DACH1: variants seen among roughly 807,000 people sequenced by gnomAD.
The protein encoded by DACH1 is dachshund family transcription factor 1, also known as dachshund homolog 1.
DACH1 carries 12 observed loss-of-function variants against 54.2 expected under a neutral mutation model. That is an observed-to-expected ratio of 0.22 (90% CI 0.14 to 0.36). DACH1 has a LOEUF of 0.36. Among genes scored for constraint, DACH1 ranks in the 10% least tolerant of loss-of-function variants. The probability of loss-of-function intolerance (pLI) is 1.00; values close to 1 mark genes in which losing one functional copy is unlikely to be tolerated. For synonymous variants in DACH1, 386 were observed against 366.2 expected (o/e 1.05, Z -0.62); for missense variants, 805 against 929.8 (o/e 0.87, Z 1.75).
intron 1 of DACH1, among the ~76,000 whole-genome samples, chr13:71,827,303 G>T (rs1320957895): frequency 2.6e-5 from 4 of 151,998 alleles, no homozygotes; most frequent in African/African-American, 4.8e-5. Context: ...TTACAACTCC[G>T]TGAACTAGAT....
intron 1 of DACH1, among the ~76,000 whole-genome samples, chr13:71,694,793 G>A (rs903039249): frequency 6.6e-6 from 1 of 152,076 alleles, no homozygotes; most frequent in Non-Finnish European, 1.5e-5. Context: ...AAAACATAGT[G>A]CCTTAAAAGC....
intron 1 of DACH1, among the ~76,000 whole-genome samples, chr13:71,800,642 T>G (rs1471714025): frequency 6.6e-6 from 1 of 152,096 alleles, no homozygotes; most frequent in Admixed American, 6.6e-5. Flanking sequence ...TACACTTGAT[T>G]ACTTAACCAG....
chr13:71,460,818 C>T (rs138636699), intron 10 of DACH1, among the ~76,000 whole-genome samples: 1 of 152,058 alleles, frequency 6.6e-6, no homozygotes. Flanking sequence ...TGCTGGTAAC[C>T]CTTGGAAAGT....
At chr13:71,614,263 T>A (rs1875578491) in intron 3 of DACH1, among the ~76,000 whole-genome samples, 1 of 152,168 alleles carries the variant, frequency 6.6e-6, no homozygotes. Context: ...AGAATTCCAT[T>A]GGTTTTGTCT....
At chr13:71,749,053 C>T (rs967163064) in intron 1 of DACH1, among the ~76,000 whole-genome samples, 5 of 151,462 alleles carry the variant, frequency 3.3e-5, no homozygotes, top group African/African-American at 1.2e-4. Context: ...GGCATGATCT[C>T]AGCTCACTGC....
rs534829288 is a variant in DACH1, at chr13:71,813,877, G to A, written c.848+52045C>T. Among the ~76,000 whole-genome samples, 45 of 152,284 alleles carry A rather than the reference G, an allele frequency of 3.0e-4. 1 individual carries two copies. Among genetic ancestry groups the A allele is most frequent in the African/African-American group, 1.1e-3 (44 of 41,558 alleles). ...GATCAAGAGACCCAAAGCCTAAAGA[G>A]ATGAAGATATCTATCCAATGTGAAA... is the stretch of plus-strand genomic sequence containing the variant. On this transcript the variant is annotated intron_variant, in intron 1 of 10. Coordinates refer to ENST00000613252, the MANE Select transcript of DACH1 (RefSeq NM_080759.6).
chr13:71,630,730 A>C lies in DACH1; in HGVS notation c.965-13T>G, dbSNP rs1202615222. On this transcript the variant is annotated splice_polypyrimidine_tract_variant and intron_variant, in intron 2 of 10. Coordinates refer to ENST00000613252, the MANE Select transcript of DACH1 (RefSeq NM_080759.6). The stretch of plus-strand genomic sequence containing the variant: ...GCTGCTGTCAGACCTTAAAAGAATA[A>C]ATTAAAAATGAGGTAATTCAAATTC... The C allele has an allele frequency of 6.5e-7, 1 of 1,549,378 alleles. No homozygotes were observed. Among genetic ancestry groups the C allele is most frequent in the South Asian group, 1.2e-5 (1 of 81,742 alleles).
chr13:71,709,105 G>A (rs897170265), intron 1 of DACH1, among the ~76,000 whole-genome samples: 10 of 151,654 alleles, frequency 6.6e-5, no homozygotes, highest in East Asian at 1.9e-4. Context: ...CTCCTGCCTC[G>A]GCCTCCCAAA....
intron 10 of DACH1, among the ~76,000 whole-genome samples, chr13:71,462,212 T>C (rs999616103): frequency 6.6e-6 from 1 of 151,882 alleles, no homozygotes; most frequent in Non-Finnish European, 1.5e-5. Context: ...CTCCACACTA[T>C]ATGAAAATAC....
At chr13:71,666,126 G>A (rs1472182572) in intron 2 of DACH1, among the ~76,000 whole-genome samples, 16 of 152,052 alleles carry the variant, frequency 1.1e-4, no homozygotes. Context: ...AATAGAAGAT[G>A]CAGTGGTAAA....
intron 1 of DACH1, among the ~76,000 whole-genome samples, chr13:71,864,449 T>C (rs1874579074): frequency 6.6e-6 from 1 of 152,166 alleles, no homozygotes; most frequent in African/African-American, 2.4e-5. Context: ...TCTGGTCTCC[T>C]TGCTACACTT....
chr13:71,836,961 A>G (rs1888812616), intron 1 of DACH1, among the ~76,000 whole-genome samples: 1 of 152,016 alleles, frequency 6.6e-6, no homozygotes, highest in South Asian at 2.1e-4. Flanking sequence ...TGCATAACAA[A>G]TATGCATTGA....
chr13:71,752,488 T>TTCTC (rs112518177), intron 1 of DACH1, among the ~76,000 whole-genome samples: 1,860 of 147,846 alleles, frequency 0.013, 17 homozygotes, highest in Middle Eastern at 0.021. Flanking sequence ...CTCTCTTCCT[T>TTCTC]TCTCTCTCTC....
At chr13:71,730,511 A>G (rs1883692619) in intron 1 of DACH1, among the ~76,000 whole-genome samples, 1 of 152,188 alleles carries the variant, frequency 6.6e-6, no homozygotes, top group Non-Finnish European at 1.5e-5. Flanking sequence ...AATCAATCAC[A>G]AAATGTTTAC....
intron 2 of DACH1, among the ~76,000 whole-genome samples, chr13:71,640,410 G>A (rs1877811524): frequency 1.3e-5 from 2 of 152,006 alleles, no homozygotes; most frequent in South Asian, 4.1e-4. Flanking sequence ...CTGTATTGGT[G>A]AAATACAATA....
At chr13:71,837,058 C>G (rs1040964391) in intron 1 of DACH1, among the ~76,000 whole-genome samples, 1 of 151,576 alleles carries the variant, frequency 6.6e-6, no homozygotes, top group Non-Finnish European at 1.5e-5. Flanking sequence ...CTAGTAGTAA[C>G]AGGAGAGAGT....
At chr13:71,627,182 C>A (rs1278718862) in intron 3 of DACH1, among the ~76,000 whole-genome samples, 1 of 151,826 alleles carries the variant, frequency 6.6e-6, no homozygotes, top group Non-Finnish European at 1.5e-5. Flanking sequence ...TGGCTAATTT[C>A]TAAGGTTCCT....
rs55861394 is a variant in DACH1, at chr13:71,466,845, C to CAAAAAAAAA, written c.2083+8287_2083+8295dup. The stretch of plus-strand genomic sequence containing the variant: ...TGGGTGACAGAGCAGCACCCTGTCT[C>CAAAAAAAAA]AAAAAAAAAAAAAAAAAAAGACAAC... On this transcript the variant is annotated intron_variant, in intron 10 of 10. Transcript: ENST00000613252. Among the ~76,000 whole-genome samples, 3 of 99,448 alleles carry CAAAAAAAAA rather than the reference C, an allele frequency of 3.0e-5. 1 individual carries two copies. The highest frequency in any genetic ancestry group is 7.8e-5 in the African/African-American group (2 of 25,514). The allele number at this position is 99,448 out of a possible 152,430, so 65.2% of individuals were successfully genotyped here.
chr13:71,631,161 T>A (rs1877072343), intron 2 of DACH1, among the ~76,000 whole-genome samples: 1 of 152,168 alleles, frequency 6.6e-6, no homozygotes, highest in Admixed American at 6.6e-5. Context: ...CCTGGCTATA[T>A]CACAGATGTC....
Sources: allele counts gnomAD v4.1 joint callset (sites outside exome capture counted in the v4.1 genomes callset), GRCh38; gene constraint gnomAD v4.1.1; transcripts MANE v1.5; gene names NCBI Gene and HGNC (gene_info 2026-07-23, HGNC 2026-07-21).